TATDN1: variants seen among roughly 807,000 people sequenced by gnomAD.
TATDN1 encodes the protein TatD DNase domain containing 1, also known as deoxyribonuclease TATDN1.
Under a neutral mutation model 46.4 loss-of-function variants are expected in TATDN1, and 40 were observed. The ratio of observed to expected loss-of-function variants is 0.86; its 90% CI spans 0.67 to 1.12. The LOEUF (loss-of-function observed/expected upper bound fraction) is 1.12, where lower values mean the gene tolerates loss of function less well. TATDN1 is among the 50% of genes most tolerant of loss of function. The pLI is 0.00. For missense variants in TATDN1, 326 were observed against 348.4 expected (o/e 0.94, Z 0.51); for synonymous variants, 95 against 105.6 (o/e 0.90, Z 0.62).
intron 1 of TATDN1, chr8:124,538,533 T>C: frequency 5.9e-6 from 1 of 168,544 alleles, no homozygotes; most frequent in South Asian, 1.3e-4. Flanking sequence ...CAGATGGTGA[T>C]GACAGTACAA....
intron 4 of TATDN1, among the ~76,000 whole-genome samples, chr8:124,518,264 C>T (rs2131495857): frequency 7.0e-6 from 1 of 142,992 alleles, no homozygotes; most frequent in East Asian, 2.0e-4. Context: ...GTGGCTCACG[C>T]CTGTAATCCC....
At chr8:124,529,589 T>C (rs1820786722) in intron 1 of TATDN1, among the ~76,000 whole-genome samples, 1 of 152,236 alleles carries the variant, frequency 6.6e-6, no homozygotes, top group Non-Finnish European at 1.5e-5. Flanking sequence ...GCACAAGTGA[T>C]ACTCCTGAGG....
chr8:124,515,010 G>A (rs1819338791), intron 6 of TATDN1, among the ~76,000 whole-genome samples: 1 of 152,120 alleles, frequency 6.6e-6, no homozygotes, highest in African/African-American at 2.4e-5. Context: ...GGCTGGTCTG[G>A]AACTCTTGAG....
intron 1 of TATDN1, 75 bp downstream of exon 1, chr8:124,538,950 G>T: frequency 6.3e-7 from 1 of 1,582,822 alleles, no homozygotes; most frequent in South Asian, 1.1e-5. Context: ...CGCAATTCCT[G>T]GGTCCTGTGA....
intron 6 of TATDN1, among the ~76,000 whole-genome samples, chr8:124,508,948 T>C (rs1206753945): frequency 6.6e-6 from 1 of 152,178 alleles, no homozygotes; most frequent in Non-Finnish European, 1.5e-5. Flanking sequence ...ACTGGCCCCT[T>C]GCCACTGGGA....
intron 9 of TATDN1, among the ~76,000 whole-genome samples, chr8:124,500,600 T>G (rs1817871792): frequency 6.6e-6 from 1 of 151,804 alleles, no homozygotes; most frequent in Admixed American, 6.6e-5. Context: ...TCAGCTATTA[T>G]ACTTGGGAGG....
chr8:124,535,278 G>C (rs572877895), intron 1 of TATDN1, among the ~76,000 whole-genome samples: 1 of 152,172 alleles, frequency 6.6e-6, no homozygotes, highest in East Asian at 1.9e-4. Flanking sequence ...GAACACACAC[G>C]TATTTACTAT....
intron 6 of TATDN1, among the ~76,000 whole-genome samples, chr8:124,508,911 G>A (rs1412088761): frequency 6.6e-6 from 1 of 152,124 alleles, no homozygotes; most frequent in African/African-American, 2.4e-5. Flanking sequence ...AATTATCTGG[G>A]CCCTTTAATT....
intron 1 of TATDN1, among the ~76,000 whole-genome samples, chr8:124,527,535 T>C (rs1176991989): frequency 6.6e-6 from 1 of 152,036 alleles, no homozygotes; most frequent in Non-Finnish European, 1.5e-5. Flanking sequence ...AAAAGTCTGG[T>C]ATCGGTTAGT....
At chr8:124,511,316 G>A (rs937572876) in intron 6 of TATDN1, among the ~76,000 whole-genome samples, 1 of 152,122 alleles carries the variant, frequency 6.6e-6, no homozygotes, top group African/African-American at 2.4e-5. Flanking sequence ...GAGTTTCATG[G>A]GTATACCTCA....
At chr8:124,509,128 CT>C (rs1818790269) in intron 6 of TATDN1, among the ~76,000 whole-genome samples, 1 of 152,114 alleles carries the variant, frequency 6.6e-6, no homozygotes, top group Non-Finnish European at 1.5e-5. Context: ...TAAGTATTTG[CT>C]AAACAGCAAA....
chr8:124,496,452 G>GTGGT (rs1817475733), intron 9 of TATDN1, among the ~76,000 whole-genome samples: 2 of 152,140 alleles, frequency 1.3e-5, no homozygotes, highest in South Asian at 4.1e-4. Flanking sequence ...GTATCATACT[G>GTGGT]AATAGTTTCA....
At chr8:124,535,997 T>G (rs907076968) in intron 1 of TATDN1, among the ~76,000 whole-genome samples, 1 of 152,112 alleles carries the variant, frequency 6.6e-6, no homozygotes, top group Non-Finnish European at 1.5e-5. Context: ...TAACATGAGA[T>G]TTGGAGGGGA....
intron 9 of TATDN1, chr8:124,504,056 A>C: frequency 1.2e-6 from 1 of 853,260 alleles, no homozygotes; most frequent in South Asian, 1.7e-5. Flanking sequence ...CATTATTAGA[A>C]CATAATGTAG....
chr8:124,535,589 A>G (rs1399710450), intron 1 of TATDN1, among the ~76,000 whole-genome samples: 1 of 152,242 alleles, frequency 6.6e-6, no homozygotes, highest in Admixed American at 6.5e-5. Flanking sequence ...AGCAGAGCAC[A>G]AAAGAGTAGC....
intron 1 of TATDN1, among the ~76,000 whole-genome samples, chr8:124,535,502 A>G (rs1465321659): frequency 6.6e-6 from 1 of 152,212 alleles, no homozygotes; most frequent in Non-Finnish European, 1.5e-5. Context: ...AACAACAGGA[A>G]AAATTTGAGT....
chr8:124,509,273 G>A (rs1488447668), intron 6 of TATDN1, among the ~76,000 whole-genome samples: 5 of 152,162 alleles, frequency 3.3e-5, no homozygotes, highest in Admixed American at 1.3e-4. Context: ...AAAATAACCT[G>A]AGTATAAAAG....
chr8:124,528,693 T>A (rs180721165), intron 1 of TATDN1, among the ~76,000 whole-genome samples: 1 of 152,232 alleles, frequency 6.6e-6, no homozygotes, highest in Non-Finnish European at 1.5e-5. Context: ...GATAGAGAAA[T>A]AAGTTTTCCT....
chr8:124,494,032 A>G (rs942450458), intron 10 of TATDN1, 73 bp from the exon 11 acceptor site: 1 of 1,400,774 alleles, frequency 7.1e-7, no homozygotes, highest in Non-Finnish European at 9.5e-7. Context: ...TATCTAATAT[A>G]TAACCTCTAA....
Sources: allele counts gnomAD v4.1 joint callset (sites outside exome capture counted in the v4.1 genomes callset), GRCh38; gene constraint gnomAD v4.1.1; transcripts MANE v1.5; gene names NCBI Gene and HGNC (gene_info 2026-07-23, HGNC 2026-07-21).